TRIM32: variants seen among roughly 807,000 people sequenced by gnomAD.
The protein encoded by TRIM32 is E3 ubiquitin-protein ligase TRIM32.
In TRIM32, 19 loss-of-function variants were observed where a neutral mutation model predicts 36.0. That is an observed-to-expected ratio of 0.53 (90% confidence interval 0.37 to 0.77). The LOEUF (loss-of-function observed/expected upper bound fraction) is 0.77, where lower values mean the gene tolerates loss of function less well. Ranked by LOEUF, TRIM32 falls within the 30% of genes least tolerant of loss-of-function variation. TRIM32 has a pLI of 0.00. For missense variants in TRIM32, 747 were observed against 845.2 expected (o/e 0.88, Z 1.44); for synonymous variants, 309 against 318.5 (o/e 0.97, Z 0.32).
intron 1 of TRIM32, among the ~76,000 whole-genome samples, chr9:116,687,735 G>A (rs1343207547): frequency 6.6e-6 from 1 of 152,008 alleles, no homozygotes; most frequent in Non-Finnish European, 1.5e-5. Flanking sequence ...GGGCCCTGGA[G>A]GGACCTGGGT....
intron 1 of TRIM32, among the ~76,000 whole-genome samples, chr9:116,691,993 G>A (rs1486686658): frequency 6.6e-6 from 1 of 152,204 alleles, no homozygotes; most frequent in Admixed American, 6.5e-5. Context: ...AGTTTTTAGG[G>A]GAAAGCACTG....
chr9:116,693,791 T>A (rs2132058176), intron 1 of TRIM32, among the ~76,000 whole-genome samples: 1 of 152,364 alleles, frequency 6.6e-6, no homozygotes, highest in South Asian at 2.1e-4. Flanking sequence ...CAATTCCTTT[T>A]ATTTGTGTAG....
Position 116,700,013 on chromosome 9 carries a change from C to CATG in TRIM32, c.*310_*312dup, listed in dbSNP as rs1554733386. ...AGAGAGCCACTTTAGCCCTTTGTGC[C>CATG]ATGTTTGAAATTTGCCCTTGTATTA... On this transcript the variant is annotated 3_prime_UTR_variant, in exon 2 of 2. Coordinates refer to ENST00000450136, the MANE Select transcript of TRIM32 (RefSeq NM_012210.4). 4 of 421,218 alleles carry CATG rather than the reference C, an allele frequency of 9.5e-6. No homozygotes were observed. Among genetic ancestry groups the CATG allele is most frequent in the African/African-American group, 8.1e-5 (4 of 49,258 alleles). 26.1% of individuals were successfully genotyped at this position (421,218 alleles called of 1,614,324 possible).
At position 116,699,893 on chromosome 9, in the gene TRIM32, A is replaced by G. The variant is rs2132076918; in HGVS notation, c.*189A>G. 2.6e-6 allele frequency: 2 copies of G among 780,874 alleles called. No individual in the cohort carries two copies. The highest frequency in any genetic ancestry group is 5.4e-5 in the East Asian group (2 of 37,098). The allele number at this position is 780,874 out of a possible 1,614,324, so 48.4% of individuals were successfully genotyped here. On this transcript the variant is annotated 3_prime_UTR_variant, in exon 2 of 2. Coordinates refer to ENST00000450136, the MANE Select transcript of TRIM32 (RefSeq NM_012210.4). This position sits in a 1 kb window ranked among gnomAD's most constrained non-coding sequence, Gnocchi z 4.2. ...GTCCCCCTCCCCGCTTCCCACCTAA[A>G]TTTAGAGCTTTAAAAGATGCACTGC...
chr9:116,698,791 C>G lies in TRIM32; in HGVS notation c.1049C>G (p.Ser350Cys). The change falls in exon 2 of 2, where the codon TCC becomes TGC. Residue 350 changes from serine to cysteine, a missense_variant. Ser to Cys is a moderately radical substitution (Grantham distance 112). Transcript: ENST00000450136. The surrounding 1 kb of genome is among the most constrained non-coding windows in gnomAD (Gnocchi z 4.4). ...PAKQRGPEAA[S>C]NIQQCLFLKK... ...AAACAGCGGGGTCCTGAGGCAGCCT[C>G]CAATATCCAGCAGTGCCTCTTTCTC... 1.9e-6 allele frequency: 3 copies of G among 1,614,172 alleles called. No homozygotes were observed. The highest frequency in any genetic ancestry group is 2.5e-6 in the Non-Finnish European group (3 of 1,180,034).
rs374136376 is a variant in TRIM32 at position 116,699,158 on chromosome 9, A to G, written c.1416A>G (p.Pro472=). ...VACHRSQLSK[P]WGITALPSGQ... Reference sequence around the variant, plus strand: ...GTCACAGGAGCCAGCTGAGCAAACCATGGGGTATCACAGCCTTGCCATCTG... The same window carrying G: ...GTCACAGGAGCCAGCTGAGCAAACCGTGGGGTATCACAGCCTTGCCATCTG... Residue 472 remains proline, a synonymous_variant, in exon 2 of 2, where the codon CCA becomes CCG. Coordinates refer to ENST00000450136, the MANE Select transcript of TRIM32 (RefSeq NM_012210.4). This position sits in a 1 kb window ranked among gnomAD's most constrained non-coding sequence, Gnocchi z 4.2. 13 of 1,614,118 alleles carry G rather than the reference A, an allele frequency of 8.1e-6. No homozygotes were observed. The African/African-American group carries it at 1.6e-4, about 20-fold the overall frequency.
intron 1 of TRIM32, among the ~76,000 whole-genome samples, chr9:116,694,459 C>CTTTT (rs56666915): frequency 0.48 from 41,818 of 87,754 alleles, 11,179 homozygotes; most frequent in East Asian, 0.78. Flanking sequence ...TGTAATTTCT[C>CTTTT]TTTTTTTTTT....
chr9:116,687,462 C>T, intron 1 of TRIM32, 81 bp downstream of exon 1: 1 of 154,094 alleles, frequency 6.5e-6, no homozygotes, highest in Non-Finnish European at 1.2e-5. Context: ...GGCGGGGGAA[C>T]GTGCCGGCGT....
Position 116,699,403 on chromosome 9 carries a change from CTG to C in TRIM32, c.1663_1664del (p.Val555ArgfsTer3). 6.2e-7 allele frequency: 1 copy of C among 1,614,146 alleles called. No individual in the cohort carries two copies. Among genetic ancestry groups the C allele is most frequent in the African/African-American group, 1.3e-5 (1 of 75,034 alleles). On this transcript the variant is annotated frameshift_variant, in exon 2 of 2. Transcript: ENST00000450136. LOFTEE classifies it high-confidence loss of function. The surrounding 1 kb of genome is among the most constrained non-coding windows in gnomAD (Gnocchi z 4.2). ...CTGGAGGGTGGCTTTTCCATTGGCT[CTG>C]TAGGCCCTGATGGGCAGCTGGGTCG...
At chr9:116,689,861 T>A (rs1223924984) in intron 1 of TRIM32, among the ~76,000 whole-genome samples, 1 of 152,132 alleles carries the variant, frequency 6.6e-6, no homozygotes, top group Non-Finnish European at 1.5e-5. Flanking sequence ...GGGTGAGGTA[T>A]GGAGGCCATT....
chr9:116,688,272 G>A (rs1173929276), intron 1 of TRIM32, among the ~76,000 whole-genome samples: 1 of 152,136 alleles, frequency 6.6e-6, no homozygotes, highest in African/African-American at 2.4e-5. Context: ...GTTGGGGACA[G>A]GGTTTGGAGA....
intron 1 of TRIM32, among the ~76,000 whole-genome samples, chr9:116,690,145 C>CTCT (rs1451512999): frequency 6.6e-6 from 1 of 152,210 alleles, no homozygotes; most frequent in Non-Finnish European, 1.5e-5. Flanking sequence ...AAACTCCTTA[C>CTCT]TCTAATTTCC....
At chr9:116,694,602 A>G (rs1349135229) in intron 1 of TRIM32, among the ~76,000 whole-genome samples, 1 of 149,610 alleles carries the variant, frequency 6.7e-6, no homozygotes, top group Non-Finnish European at 1.5e-5. Context: ...CTGGGACTAC[A>G]GGCGCCTGCC....
chr9:116,700,337 G>T lies in TRIM32; in HGVS notation c.*633G>T, dbSNP rs1291499045. Reference sequence around the variant, plus strand: ...TGGAGGATCTGTGCCATCTTGGATTGAGAATTGCAGATGTGACAGAATGGA... The same window carrying T: ...TGGAGGATCTGTGCCATCTTGGATTTAGAATTGCAGATGTGACAGAATGGA... On this transcript the variant is annotated 3_prime_UTR_variant, in exon 2 of 2. Coordinates refer to ENST00000450136, the MANE Select transcript of TRIM32 (RefSeq NM_012210.4). 1 of 167,894 alleles carries T rather than the reference G, an allele frequency of 6.0e-6. No homozygotes were observed. Among genetic ancestry groups the T allele is most frequent in the African/African-American group, 2.4e-5 (1 of 41,468 alleles). The allele number at this position is 167,894 out of a possible 1,614,324, so 10.4% of individuals were successfully genotyped here.
rs1860954459 is a variant in TRIM32, at chr9:116,697,956, A to G, written c.214A>G (p.Ser72Gly). The G allele has an allele frequency of 1.2e-6, 2 of 1,614,220 alleles. No individual in the cohort carries two copies. The highest frequency in any genetic ancestry group is 2.2e-5 in the East Asian group (1 of 44,872). Reference protein sequence around the residue: ...PFCSKITRITSLTQLTDNLTV... With the variant: ...PFCSKITRITGLTQLTDNLTV... ...TTGCAGCAAGATTACCCGCATAACC[A>G]GCTTGACCCAGCTGACAGACAATCT... The change falls in exon 2 of 2, where the codon AGC becomes GGC. Residue 72 changes from serine to glycine, a missense_variant. Transcript: ENST00000450136.
intron 1 of TRIM32, among the ~76,000 whole-genome samples, chr9:116,696,290 TA>T (rs1279766658): frequency 6.6e-6 from 1 of 152,204 alleles, no homozygotes; most frequent in Non-Finnish European, 1.5e-5. Flanking sequence ...AAAAGAGAAC[TA>T]AAATTCATTA....
At chr9:116,691,283 AAG>A (rs917631275) in intron 1 of TRIM32, among the ~76,000 whole-genome samples, 11 of 152,234 alleles carry the variant, frequency 7.2e-5, no homozygotes, top group Non-Finnish European at 1.3e-4. Flanking sequence ...AAGGAATTGA[AAG>A]AGAGAGAGGG....
At position 116,698,922 on chromosome 9, in the gene TRIM32, C is replaced by G. The variant is rs886044008; in HGVS notation, c.1180C>G (p.Arg394Gly). 1.2e-6 allele frequency: 2 copies of G among 1,614,192 alleles called. No individual in the cohort carries two copies. Among genetic ancestry groups the G allele is most frequent in the South Asian group, 1.1e-5 (1 of 91,074 alleles). The change falls in exon 2 of 2, where the codon CGT (arginine) becomes GGT (glycine). Residue 394 changes from arginine (R) to glycine (G), a missense_variant. Coordinates refer to ENST00000450136, the MANE Select transcript of TRIM32 (RefSeq NM_012210.4). The surrounding 1 kb of genome is among the most constrained non-coding windows in gnomAD (Gnocchi z 4.4). ...EVLVADRGNYRIQVFTRKGFL... is the reference protein window; with the variant it reads ...EVLVADRGNYGIQVFTRKGFL... Reference sequence around the variant, plus strand: ...ACTAGTCGCTGACCGTGGTAACTATCGTATACAAGTCTTTACCCGCAAAGG... The same window carrying G: ...ACTAGTCGCTGACCGTGGTAACTATGGTATACAAGTCTTTACCCGCAAAGG...
At position 116,698,810 on chromosome 9, in the gene TRIM32, C is replaced by G; in HGVS notation, c.1068C>G (p.Leu356=). Residue 356 remains leucine, a synonymous_variant, in exon 2 of 2, where the codon CTC becomes CTG. Transcript: ENST00000450136. This position sits in a 1 kb window ranked among gnomAD's most constrained non-coding sequence, Gnocchi z 4.4. ...CAGCCTCCAATATCCAGCAGTGCCT[C>G]TTTCTCAAGAAGATGGGGGCCAAAG... ...PEAASNIQQC[L]FLKKMGAKGS... is the part of the protein sequence containing the mutation. 6.2e-7 allele frequency: 1 copy of G among 1,614,214 alleles called. No individual in the cohort carries two copies. Among genetic ancestry groups the G allele is most frequent in the Non-Finnish European group, 8.5e-7 (1 of 1,180,048 alleles).
Sources: allele counts gnomAD v4.1 joint callset (sites outside exome capture counted in the v4.1 genomes callset), GRCh38; gene constraint gnomAD v4.1.1; non-coding constraint Gnocchi (gnomAD v3.1); transcripts MANE v1.5; gene names NCBI Gene and HGNC (gene_info 2026-07-23, HGNC 2026-07-21).